Variants in FBN3 observed in about 807,000 individuals in gnomAD.
The protein encoded by FBN3 is fibrillin 3.
Under a neutral mutation model 330.1 loss-of-function variants are expected in FBN3, and 234 were observed. The ratio of observed to expected loss-of-function variants is 0.71; its 90% confidence interval spans 0.64 to 0.79. FBN3 has a LOEUF of 0.79. Among genes scored for constraint, FBN3 ranks in the 30% least tolerant of loss-of-function variants. FBN3 has a pLI of 0.00. For synonymous variants in FBN3, 1,458 were observed against 1,517.3 expected (o/e 0.96, Z 0.91); for missense variants, 3,606 against 3,886.9 (o/e 0.93, Z 1.92).
rs778956448 is a variant in FBN3, at chr19:8,085,365, C to T, written c.7085G>A (p.Arg2362Gln). 3.3e-5 allele frequency: 51 copies of T among 1,569,024 alleles called. 1 individual carries two copies. The East Asian group carries it at 8.2e-4, about 25-fold the overall frequency. Residue 2362 changes from arginine (R) to glutamine (Q), a missense_variant and splice_region_variant, in exon 56 of 64, where the codon CGA becomes CAA. Physicochemically the swap from Arg to Gln is conservative, Grantham distance 43 (BLOSUM62 1). Transcript: ENST00000600128. ...GTCCTGAGGGCATGGGCACCCACCT[C>T]GGCCCTCAGCAGTGTAGCCTGAGCC... ...PHGSGYTAEG[R>Q]DVDECRMLAH...
chr19:8,117,445 C>A lies in FBN3; in HGVS notation c.3463+19G>T. The A allele has an allele frequency of 6.4e-7, 1 of 1,559,744 alleles. No homozygotes were observed. Among genetic ancestry groups the A allele is most frequent in the Non-Finnish European group, 8.7e-7 (1 of 1,151,626 alleles). ...ACTGTGGTTGGTGCCCAGGGGCCAG[C>A]AGGTGGGCACAGTCTCACCCACGCA... On this transcript the variant is annotated intron_variant, in intron 27 of 63. Coordinates refer to ENST00000600128, the MANE Select transcript of FBN3 (RefSeq NM_032447.5).
At chr19:8,084,047 C>T (rs1465950071) in intron 56 of FBN3, among the ~76,000 whole-genome samples, 1 of 151,916 alleles carries the variant, frequency 6.6e-6, no homozygotes, top group African/African-American at 2.4e-5. Context: ...CGTGATCTGC[C>T]CGCCTCAGCC....
chr19:8,089,888 G>A lies in FBN3; in HGVS notation c.6250+6C>T, dbSNP rs1237665712. Reference sequence around the variant, plus strand: ...GGGGCTCTTAGCATGTGGGTGAGGGGCTCACCTTCTCGGGAGTCATCCGGG... The same window carrying A: ...GGGGCTCTTAGCATGTGGGTGAGGGACTCACCTTCTCGGGAGTCATCCGGG... On this transcript the variant is annotated splice_donor_region_variant and intron_variant, in intron 50 of 63. Coordinates refer to ENST00000600128, the MANE Select transcript of FBN3 (RefSeq NM_032447.5). 5 of 1,592,038 alleles carry A rather than the reference G, an allele frequency of 3.1e-6. No individual in the cohort carries two copies. In the Admixed American group the frequency reaches 9.1e-5, roughly 29 times the overall value.
intron 4 of FBN3, 84 bp from the exon 5 acceptor site, chr19:8,146,022 C>T (rs1397441711): frequency 2.0e-6 from 3 of 1,483,068 alleles, no homozygotes; most frequent in South Asian, 1.2e-5. Context: ...ACTAGGCATG[C>T]TCAGCCCCGC....
chr19:8,113,694 G>C (rs2082640235), intron 30 of FBN3, among the ~76,000 whole-genome samples: 1 of 151,944 alleles, frequency 6.6e-6, no homozygotes, highest in Non-Finnish European at 1.5e-5. Context: ...GGGCGACACA[G>C]CGAGACCTCA....
chr19:8,105,223 G>A (rs1023825217), intron 38 of FBN3, among the ~76,000 whole-genome samples: 4 of 151,534 alleles, frequency 2.6e-5, no homozygotes, highest in African/African-American at 9.7e-5. Flanking sequence ...AAAGAGCTGG[G>A]ATTACAAGCA....
At position 8,110,825 on chromosome 19, in the gene FBN3, C is replaced by T. The variant is rs1436255324; in HGVS notation, c.4333+20G>A. ...ACTCCTGCTCTCTCCTCTCCCCTTC[C>T]AGCCCAGATGACCTCACACCTGTGC... On this transcript the variant is annotated intron_variant, in intron 34 of 63. Coordinates refer to ENST00000600128, the MANE Select transcript of FBN3 (RefSeq NM_032447.5). 1 of 1,614,176 alleles carries T rather than the reference C, an allele frequency of 6.2e-7. No individual in the cohort carries two copies. The highest frequency in any genetic ancestry group is 8.5e-7 in the Non-Finnish European group (1 of 1,179,988).
chr19:8,115,234 A>T (rs1338992858), intron 30 of FBN3, among the ~76,000 whole-genome samples: 1 of 152,142 alleles, frequency 6.6e-6, no homozygotes, highest in Non-Finnish European at 1.5e-5. Context: ...TCACTATTCA[A>T]ATGTTTAAGT....
chr19:8,091,544 G>C lies in FBN3; in HGVS notation c.5952C>G (p.Thr1984=). The change falls in exon 48 of 64, where the codon ACC becomes ACG. Residue 1984 remains threonine, a synonymous_variant. Transcript: ENST00000600128. ...GGAAGCTCCCAGGGCTGTTGGTACAGGTGCCAAAGAGGCAGAGGTTGGGCT... is the reference window on the plus strand; with the variant it reads ...GGAAGCTCCCAGGGCTGTTGGTACACGTGCCAAAGAGGCAGAGGTTGGGCT... ...SEEPNLCLFG[T]CTNSPGSFQC... is the part of the protein sequence containing the mutation. The C allele has an allele frequency of 2.5e-6, 4 of 1,614,212 alleles. No homozygotes were observed. Among genetic ancestry groups the C allele is most frequent in the Non-Finnish European group, 3.4e-6 (4 of 1,180,034 alleles).
In FBN3 at chr19:8,096,690, G is replaced by A. The variant is rs542304262; in HGVS notation, c.5414-121C>T. 1,440 of 1,420,296 alleles carry A rather than the reference G, an allele frequency of 1.0e-3. 3 individuals carry two copies. Among genetic ancestry groups the A allele is most frequent in the South Asian group, 1.4e-3 (107 of 75,292 alleles). The allele number at this position is 1,420,296 out of a possible 1,614,324, so 88.0% of individuals were successfully genotyped here. ...AGTTCCCCACTCAAACTTCCACCAG[G>A]GGCGTCAGGCTGTCTGCATGGACCT... On this transcript the variant is annotated intron_variant, in intron 43 of 63. Coordinates refer to ENST00000600128, the MANE Select transcript of FBN3 (RefSeq NM_032447.5). This position sits in a 1 kb window ranked among gnomAD's most constrained non-coding sequence, Gnocchi z 4.6.
chr19:8,086,411 G>T, intron 54 of FBN3, 86 bp from the exon 55 acceptor site: 1 of 704,610 alleles, frequency 1.4e-6, no homozygotes, highest in Non-Finnish European at 2.1e-6. Context: ...CTTTGGATCT[G>T]CCCAGGCCCT....
At position 8,129,483 on chromosome 19, in the gene FBN3, T is replaced by G; in HGVS notation, c.2045-118A>C. 1 of 1,323,518 alleles carries G rather than the reference T, an allele frequency of 7.6e-7. No individual in the cohort carries two copies. Among genetic ancestry groups the G allele is most frequent in the Non-Finnish European group, 1.0e-6 (1 of 957,166 alleles). 82.0% of individuals were successfully genotyped at this position (1,323,518 alleles called of 1,614,324 possible). On this transcript the variant is annotated intron_variant, in intron 16 of 63. Transcript: ENST00000600128. This position sits in a 1 kb window ranked among gnomAD's most constrained non-coding sequence, Gnocchi z 4.5. ...AAGTCAGATTCCCCAAGGCCATAGC[T>G]CCAGCCCAGACCCGGCCTCATTCTG...
chr19:8,112,190 C>G (rs1162458397), intron 30 of FBN3, 91 bp from the exon 31 acceptor site: 1 of 1,385,312 alleles, frequency 7.2e-7, no homozygotes, highest in African/African-American at 1.4e-5. Context: ...CTCTTCCTCT[C>G]TAGGGGAGAG....
At chr19:8,081,625 G>C (rs1008966747) in intron 57 of FBN3, 145 bp from the exon 58 acceptor site, 6 of 953,028 alleles carry the variant, frequency 6.3e-6, no homozygotes, top group African/African-American at 3.3e-5. Flanking sequence ...CAAAAAGCCA[G>C]GTGGGAAATA....
intron 14 of FBN3, 126 bp downstream of exon 14, chr19:8,132,858 G>C: frequency 3.8e-6 from 4 of 1,046,348 alleles, no homozygotes; most frequent in South Asian, 4.1e-5. Flanking sequence ...TTTTCTCCCT[G>C]CCCCTTCTCT....
At chr19:8,094,211 A>G (rs1051491317) in intron 47 of FBN3, among the ~76,000 whole-genome samples, 7 of 152,240 alleles carry the variant, frequency 4.6e-5, no homozygotes, top group Admixed American at 3.9e-4. Context: ...GTGAGACCCC[A>G]CACCCATGTC....
intron 62 of FBN3, among the ~76,000 whole-genome samples, chr19:8,072,577 T>C (rs7248720): frequency 0.38 from 57,100 of 151,854 alleles, 12,011 homozygotes; most frequent in East Asian, 0.62. Flanking sequence ...TGAGTGTGCC[T>C]GGGGATGTGT....
intron 4 of FBN3, 90 bp from the exon 5 acceptor site, chr19:8,146,028 C>T: frequency 6.7e-7 from 1 of 1,487,088 alleles, no homozygotes; most frequent in Non-Finnish European, 9.2e-7. Context: ...CATGCTCAGC[C>T]CCGCTCCTGT....
intron 41 of FBN3, among the ~76,000 whole-genome samples, chr19:8,099,735 G>C (rs961026182): frequency 6.6e-6 from 1 of 151,960 alleles, no homozygotes; most frequent in Non-Finnish European, 1.5e-5. Flanking sequence ...TTCTGGCCAG[G>C]CTCAGTGGCT....
Sources: gnomAD v4.1 joint callset for allele counts (sites outside exome capture counted in the v4.1 genomes callset) on GRCh38, gnomAD v4.1.1 for gene constraint, Gnocchi (gnomAD v3.1) non-coding constraint, MANE v1.5 for transcripts, NCBI Gene and HGNC (gene_info 2026-07-23, HGNC 2026-07-21) for gene names.